BRD10: variants seen among roughly 807,000 people sequenced by gnomAD.
BRD10 encodes bromodomain containing 10, also known as uncharacterized bromodomain-containing protein 10.
At chr9:5,954,005 G>C in the BRD10 span, 1 of 1,514,144 alleles carries the variant, frequency 6.6e-7, no homozygotes, top group Non-Finnish European at 9.0e-7. Flanking sequence ...AGACAAAGTT[G>C]AAACATTTAC....
At chr9:5,885,065 A>G in the BRD10 span, among the ~76,000 whole-genome samples, 1 of 151,998 alleles carries the variant, frequency 6.6e-6, no homozygotes, top group African/African-American at 2.4e-5. Context: ...GTGGTCCTCC[A>G]TTTCCTCCAC....
At chr9:5,953,934 G>C in the BRD10 span, 2 of 783,636 alleles carry the variant, frequency 2.6e-6, no homozygotes, top group Non-Finnish European at 2.1e-6. Context: ...CAGTTTCTTG[G>C]AATTCAGCCA....
At chr9:5,918,754 G>A in the BRD10 span, among the ~76,000 whole-genome samples, 1 of 148,702 alleles carries the variant, frequency 6.7e-6, no homozygotes, top group East Asian at 2.0e-4. Flanking sequence ...GAGCTCAGGA[G>A]GTGGAGGTTG....
the BRD10 span, among the ~76,000 whole-genome samples, chr9:5,985,513 C>A: frequency 6.6e-6 from 1 of 152,162 alleles, no homozygotes; most frequent in Non-Finnish European, 1.5e-5. Flanking sequence ...TGGCTGGGCA[C>A]GGTGGCTCAC....
the BRD10 span, among the ~76,000 whole-genome samples, chr9:5,930,978 G>A: frequency 0.83 from 126,669 of 152,170 alleles, 53,526 homozygotes; most frequent in Non-Finnish European, 0.93. Context: ...TTGGCTTCAA[G>A]AAGTCAAATG....
At chr9:5,959,920 TCAA>T in the BRD10 span, among the ~76,000 whole-genome samples, 1 of 152,214 alleles carries the variant, frequency 6.6e-6, no homozygotes, top group Non-Finnish European at 1.5e-5. Context: ...TTCTAAAACC[TCAA>T]CTTTTCCACA....
the BRD10 span, among the ~76,000 whole-genome samples, chr9:5,945,763 T>A: frequency 0.19 from 29,541 of 151,980 alleles, 3,068 homozygotes; most frequent in Middle Eastern, 0.29. Flanking sequence ...AATATACTTT[T>A]TTCCTAAAAT....
At chr9:6,005,512 T>A in the BRD10 span, among the ~76,000 whole-genome samples, 1 of 152,090 alleles carries the variant, frequency 6.6e-6, no homozygotes, top group African/African-American at 2.4e-5. Context: ...GAAAATAAAA[T>A]AAATAAATAA....
At chr9:5,913,903 T>C in the BRD10 span, 1 of 359,450 alleles carries the variant, frequency 2.8e-6, no homozygotes, top group East Asian at 8.7e-5. Flanking sequence ...CATATGAAAA[T>C]ATCAGCTGTG....
the BRD10 span, among the ~76,000 whole-genome samples, chr9:5,902,542 G>A: frequency 6.6e-6 from 1 of 150,992 alleles, no homozygotes; most frequent in African/African-American, 2.4e-5. Context: ...ATAGCTCACT[G>A]TTACCTTGAA....
the BRD10 span, chr9:5,909,488 C>A: frequency 6.6e-6 from 1 of 152,234 alleles, no homozygotes; most frequent in Non-Finnish European, 1.5e-5. Context: ...AAACTCCTGA[C>A]CTCAGGTGAT....
the BRD10 span, among the ~76,000 whole-genome samples, chr9:5,997,786 T>G: frequency 6.6e-6 from 1 of 152,186 alleles, no homozygotes. Flanking sequence ...CAATATTAAC[T>G]AAGCACTTAT....
the BRD10 span, among the ~76,000 whole-genome samples, chr9:5,942,129 G>A: frequency 6.6e-6 from 1 of 152,014 alleles, no homozygotes; most frequent in African/African-American, 2.4e-5. Context: ...ACTTAGTTTT[G>A]ACAGTGAAAT....
chr9:5,911,750 G>C, the BRD10 span, among the ~76,000 whole-genome samples: 2 of 151,866 alleles, frequency 1.3e-5, no homozygotes, highest in Non-Finnish European at 2.9e-5. Flanking sequence ...GGCCAGGCTG[G>C]TCTTGAACTC....
At chr9:5,990,121 T>C in the BRD10 span, among the ~76,000 whole-genome samples, 50 of 152,332 alleles carry the variant, frequency 3.3e-4, no homozygotes, top group African/African-American at 1.2e-3. Flanking sequence ...TAGCATACCA[T>C]TTTAGGCTGT....
the BRD10 span, among the ~76,000 whole-genome samples, chr9:5,953,564 C>G: frequency 2.6e-5 from 4 of 152,084 alleles, no homozygotes; most frequent in African/African-American, 9.6e-5. Flanking sequence ...GTTAATAAAT[C>G]TACCATTTAT....
chr9:5,888,004 T>G, the BRD10 span, among the ~76,000 whole-genome samples: 1 of 152,182 alleles, frequency 6.6e-6, no homozygotes, highest in African/African-American at 2.4e-5. Context: ...GGTACTGCCC[T>G]TACACAGGAC....
chr9:5,939,031 C>T, the BRD10 span, among the ~76,000 whole-genome samples: 4 of 151,908 alleles, frequency 2.6e-5, no homozygotes, highest in South Asian at 8.3e-4. Flanking sequence ...GACTTGATAC[C>T]TTACTGAGAA....
At chr9:5,929,606 T>C in the BRD10 span, among the ~76,000 whole-genome samples, 2 of 152,142 alleles carry the variant, frequency 1.3e-5, no homozygotes, top group East Asian at 3.9e-4. Context: ...ACAAACTTCC[T>C]AGGAAATTTT....
Sources: allele counts gnomAD v4.1 joint callset (sites outside exome capture counted in the v4.1 genomes callset), GRCh38; gene constraint gnomAD v4.1.1; transcripts MANE v1.5; gene names NCBI Gene and HGNC (gene_info 2026-07-23, HGNC 2026-07-21).